Variants in OSBPL8 observed in about 807,000 individuals in gnomAD.
OSBPL8 encodes oxysterol-binding protein-related protein 8.
Under a neutral mutation model 125.5 loss-of-function variants are expected in OSBPL8, and 59 were observed. The observed-to-expected ratio is 0.47, with a 90% CI of 0.38 to 0.58. The LOEUF is 0.58. Among genes scored for constraint, OSBPL8 ranks in the 20% least tolerant of loss-of-function variants. The pLI is 0.00. For missense variants in OSBPL8, 758 were observed against 1,047.8 expected (o/e 0.72, Z 3.82); for synonymous variants, 330 against 338.9 (o/e 0.97, Z 0.29).
In OSBPL8 at chr12:76,384,202, C is replaced by A. The variant is rs540754696; in HGVS notation, c.1630+52G>T. 10 of 1,099,508 alleles carry A rather than the reference C, an allele frequency of 9.1e-6. No homozygotes were observed. In the East Asian group the frequency reaches 2.0e-4, roughly 22 times the overall value. The allele number at this position is 1,099,508 out of a possible 1,614,324, so 68.1% of individuals were successfully genotyped here. The stretch of plus-strand genomic sequence containing the variant: ...TGACACTGCCTAAATAAAAGCTCAC[C>A]AGAAAATAATACCTCCCAGGAGAGG... On this transcript the variant is annotated intron_variant, in intron 15 of 23. Transcript: ENST00000261183.
At chr12:76,511,255 T>C (rs905973815) in intron 1 of OSBPL8, among the ~76,000 whole-genome samples, 3 of 152,214 alleles carry the variant, frequency 2.0e-5, no homozygotes, top group Admixed American at 6.5e-5. Context: ...TCTGGGTATA[T>C]ACCCAGTAAC....
chr12:76,384,380 T>A (rs765146223), intron 14 of OSBPL8, 30 bp from the exon 15 acceptor site: 9 of 1,158,756 alleles, frequency 7.8e-6, no homozygotes, highest in Non-Finnish European at 9.6e-6. Flanking sequence ...CATGCATATA[T>A]AAAATATAAA....
chr12:76,383,612 A>T (rs1192692445), intron 15 of OSBPL8, among the ~76,000 whole-genome samples: 1 of 151,922 alleles, frequency 6.6e-6, no homozygotes, highest in Non-Finnish European at 1.5e-5. Flanking sequence ...GATTTTTTTC[A>T]CTCAGGTTTA....
At chr12:76,374,383 A>C (rs561827455) in intron 17 of OSBPL8, among the ~76,000 whole-genome samples, 17 of 152,114 alleles carry the variant, frequency 1.1e-4, no homozygotes, top group African/African-American at 4.1e-4. Context: ...AGTGGGGTCT[A>C]TATTTCTTCT....
At chr12:76,422,409 T>C (rs1276961195) in intron 4 of OSBPL8, 2 of 392,946 alleles carry the variant, frequency 5.1e-6, no homozygotes, top group South Asian at 1.9e-5. Flanking sequence ...CACTACAGAA[T>C]TGTTTTATTT....
At chr12:76,490,291 G>A (rs775347646) in intron 1 of OSBPL8, among the ~76,000 whole-genome samples, 33 of 152,314 alleles carry the variant, frequency 2.2e-4, no homozygotes, top group Non-Finnish European at 3.1e-4. Flanking sequence ...AGCGTGAAAC[G>A]GCAGACCAAA....
chr12:76,547,721 C>T (rs2137472283), intron 1 of OSBPL8, among the ~76,000 whole-genome samples: 1 of 152,278 alleles, frequency 6.6e-6, no homozygotes, highest in Admixed American at 6.5e-5. Flanking sequence ...TAAAATGCCA[C>T]AAGGGTCATG....
intron 4 of OSBPL8, among the ~76,000 whole-genome samples, chr12:76,425,124 A>C (rs1173539342): frequency 6.6e-6 from 1 of 152,196 alleles, no homozygotes; most frequent in East Asian, 1.9e-4. Context: ...AATAACCAAA[A>C]TCTTCAAAAT....
intron 2 of OSBPL8, among the ~76,000 whole-genome samples, chr12:76,485,081 C>T (rs61925516): frequency 0.21 from 31,279 of 151,588 alleles, 3,453 homozygotes; most frequent in Non-Finnish European, 0.26. Context: ...CCACCACGTC[C>T]GGCTAATTTT....
At chr12:76,414,895 A>G (rs1200399943) in intron 4 of OSBPL8, among the ~76,000 whole-genome samples, 1 of 152,180 alleles carries the variant, frequency 6.6e-6, no homozygotes, top group Non-Finnish European at 1.5e-5. Flanking sequence ...TTAATCTGTT[A>G]GTGTAGTGAA....
intron 1 of OSBPL8, among the ~76,000 whole-genome samples, chr12:76,558,671 G>C (rs1165471860): frequency 6.6e-6 from 1 of 152,218 alleles, no homozygotes; most frequent in East Asian, 1.9e-4. Context: ...CTGCAACGCA[G>C]ATGTGTCTCA....
Position 76,373,489 on chromosome 12 carries a change from G to A in OSBPL8, c.1828-56C>T, listed in dbSNP as rs531645023. The A allele has an allele frequency of 2.0e-5, 27 of 1,318,070 alleles. No homozygotes were observed. In the South Asian group the frequency reaches 2.3e-4, roughly 11 times the overall value. 81.6% of individuals were successfully genotyped at this position (1,318,070 alleles called of 1,614,324 possible). A position where few individuals can be genotyped will look rare whatever the true frequency, so the allele number is the denominator to read the frequency against. On this transcript the variant is annotated intron_variant, in intron 17 of 23. Coordinates refer to ENST00000261183, the MANE Select transcript of OSBPL8 (RefSeq NM_020841.5). The stretch of plus-strand genomic sequence containing the variant: ...CTTTTCACTTATATTTACATATAAT[G>A]TAAAACCAAAACAAAAAACCCAACA...
intron 4 of OSBPL8, among the ~76,000 whole-genome samples, chr12:76,438,266 A>G (rs1027668445): frequency 2.0e-5 from 3 of 148,784 alleles, no homozygotes; most frequent in African/African-American, 7.4e-5. Flanking sequence ...GATTACAGGC[A>G]TGAGCCACTG....
chr12:76,541,850 T>C (rs1050729115), intron 1 of OSBPL8, among the ~76,000 whole-genome samples: 9 of 149,832 alleles, frequency 6.0e-5, no homozygotes, highest in Non-Finnish European at 1.0e-4. Context: ...GACAAGACTC[T>C]GTCTCAAAAA....
At chr12:76,512,211 G>A (rs1009952867) in intron 1 of OSBPL8, among the ~76,000 whole-genome samples, 2 of 152,140 alleles carry the variant, frequency 1.3e-5, no homozygotes, top group Admixed American at 1.3e-4. Flanking sequence ...ACTTATAAGA[G>A]AGAACATGCA....
Position 76,389,766 on chromosome 12 carries a change from A to T in OSBPL8, c.1231T>A (p.Leu411Met). Residue 411 changes from leucine (L) to methionine (M), a missense_variant, in exon 12 of 24, where the codon TTG (leucine) becomes ATG (methionine). By Grantham distance (15) the Leu-to-Met change is conservative. This residue lies in a region of OSBPL8 where 572 missense variants were observed against 762.0 expected (regional missense o/e 0.75). Coordinates refer to ENST00000261183, the MANE Select transcript of OSBPL8 (RefSeq NM_020841.5). The part of the protein sequence containing the change: ...EENKSLIWTL[L>M]KQVRPGMDLS... ...TCCATGCCAGGACGGACTTGTTTCA[A>T]TAGTGTCCAGATAAGGCTTTTGTTT... 1.3e-6 allele frequency: 2 copies of T among 1,598,084 alleles called. No homozygotes were observed. The highest frequency in any genetic ancestry group is 1.7e-6 in the Non-Finnish European group (2 of 1,170,634).
chr12:76,393,452 C>A (rs530981645), intron 9 of OSBPL8, among the ~76,000 whole-genome samples: 127 of 149,814 alleles, frequency 8.5e-4, no homozygotes, highest in African/African-American at 2.2e-3. Flanking sequence ...GGCTCACGCC[C>A]GTAATCCCAG....
chr12:76,440,132 C>CT (rs1471957896), intron 4 of OSBPL8, among the ~76,000 whole-genome samples: 10 of 152,100 alleles, frequency 6.6e-5, no homozygotes, highest in African/African-American at 2.4e-4. Context: ...CAGTTGTTGT[C>CT]TTTCAAGAAT....
chr12:76,466,349 T>C (rs1282104660), intron 2 of OSBPL8, among the ~76,000 whole-genome samples: 1 of 152,218 alleles, frequency 6.6e-6, no homozygotes, highest in Non-Finnish European at 1.5e-5. Flanking sequence ...TAATTATCTA[T>C]GATTAAGTAT....
Sources: gnomAD v4.1 joint callset for allele counts (sites outside exome capture counted in the v4.1 genomes callset) on GRCh38, gnomAD v4.1.1 for gene constraint, gnomAD v4.1.1 regional missense constraint, MANE v1.5 for transcripts, NCBI Gene and HGNC (gene_info 2026-07-23, HGNC 2026-07-21) for gene names.